Variants in XPO6 observed in about 807,000 individuals in gnomAD.
XPO6 encodes the protein exportin-6.
A neutral mutation model predicts 130.0 loss-of-function variants in XPO6; 3 were observed. The observed-to-expected ratio is 0.02, with a 90% CI of 0.01 to 0.06. The LOEUF is 0.06. Ranked by LOEUF, XPO6 falls within the 10% of genes least tolerant of loss-of-function variation. XPO6 has a pLI of 1.00. For synonymous variants in XPO6, 524 were observed against 548.9 expected (o/e 0.95, Z 0.63); for missense variants, 970 against 1,393.0 (o/e 0.70, Z 4.83).
chr16:28,147,456 A>AAG, intron 8 of XPO6, among the ~76,000 whole-genome samples: 1 of 152,220 alleles, frequency 6.6e-6, no homozygotes, highest in Non-Finnish European at 1.5e-5. Context: ...AGAAAAAAGA[A>AAG]AAGAGTGTAA....
At chr16:28,110,233 A>G (rs1284454625) in intron 17 of XPO6, among the ~76,000 whole-genome samples, 1 of 152,250 alleles carries the variant, frequency 6.6e-6, no homozygotes, top group African/African-American at 2.4e-5. Context: ...TGAAGACGTC[A>G]TTCACATACT....
At position 28,175,881 on chromosome 16, in the gene XPO6, C is replaced by T; in HGVS notation, c.405+17G>A. ...CAAACTATTCACAAGATAAAGTTTC[C>T]TTAGGCATATCCTTACCTGTAAAAT... On this transcript the variant is annotated intron_variant, in intron 4 of 23. Coordinates refer to ENST00000304658, the MANE Select transcript of XPO6 (RefSeq NM_015171.4). 6.8e-6 allele frequency: 11 copies of T among 1,609,640 alleles called. No individual in the cohort carries two copies. The highest frequency in any genetic ancestry group is 9.4e-6 in the Non-Finnish European group (11 of 1,176,132).
At chr16:28,145,137 A>T (rs1197929982) in intron 9 of XPO6, among the ~76,000 whole-genome samples, 2 of 152,212 alleles carry the variant, frequency 1.3e-5, no homozygotes, top group Non-Finnish European at 2.9e-5. Context: ...AAATTACACG[A>T]ATCAGTTTTA....
intron 1 of XPO6, among the ~76,000 whole-genome samples, chr16:28,183,724 A>G (rs986003390): frequency 6.6e-6 from 1 of 152,216 alleles, no homozygotes; most frequent in South Asian, 2.1e-4. Flanking sequence ...CCAAATGAAA[A>G]CAGACCAAAG....
intron 15 of XPO6, 33 bp downstream of exon 15, chr16:28,117,285 A>G: frequency 6.2e-7 from 1 of 1,611,006 alleles, no homozygotes; most frequent in East Asian, 2.2e-5. Context: ...ACAGAGAGTT[A>G]GATAAAAGGT....
chr16:28,147,069 T>A (rs1392299766), intron 8 of XPO6, among the ~76,000 whole-genome samples: 1 of 152,236 alleles, frequency 6.6e-6, no homozygotes, highest in Non-Finnish European at 1.5e-5. Flanking sequence ...GCTGTCTCAC[T>A]GGACCACATA....
intron 1 of XPO6, among the ~76,000 whole-genome samples, chr16:28,199,140 C>CA (rs1245484016): frequency 1.3e-5 from 2 of 151,820 alleles, no homozygotes; most frequent in East Asian, 3.9e-4. Context: ...AACTCCGTCT[C>CA]AAAAAAATGA....
At chr16:28,125,976 C>T in intron 12 of XPO6, 128 bp from the exon 13 acceptor site, 2 of 1,177,964 alleles carry the variant, frequency 1.7e-6, no homozygotes, top group South Asian at 2.9e-5. Flanking sequence ...ACAAAGCAAC[C>T]CACGGGCTGC....
chr16:28,191,988 G>A (rs531249212), intron 1 of XPO6, among the ~76,000 whole-genome samples: 33 of 152,124 alleles, frequency 2.2e-4, no homozygotes, highest in Non-Finnish European at 3.5e-4. Context: ...GGCTGGGCGC[G>A]GTGGCTCACG....
chr16:28,107,893 T>A (rs1007539052), intron 17 of XPO6, among the ~76,000 whole-genome samples: 1 of 152,136 alleles, frequency 6.6e-6, no homozygotes, highest in African/African-American at 2.4e-5. Flanking sequence ...TCCAGAAGCC[T>A]GGAATGTGTG....
At chr16:28,164,542 C>T (rs536871915) in intron 6 of XPO6, among the ~76,000 whole-genome samples, 13 of 152,160 alleles carry the variant, frequency 8.5e-5, no homozygotes, top group Non-Finnish European at 1.9e-4. Flanking sequence ...CCCACAGTCT[C>T]AATTTATTTT....
At position 28,147,018 on chromosome 16, in the gene XPO6, A is replaced by C. The variant is rs1188542269; in HGVS notation, c.1225-815T>G. On this transcript the variant is annotated intron_variant, in intron 8 of 23. Transcript: ENST00000304658. Reference sequence around the variant, plus strand: ...GCTCCAAACCCTGATATCTCCACTCAAATGCTCACTACCTGAAAGACTCCT... The same window carrying C: ...GCTCCAAACCCTGATATCTCCACTCCAATGCTCACTACCTGAAAGACTCCT... 2.0e-5 allele frequency among the ~76,000 whole-genome samples: 3 copies of C among 152,154 alleles called. No homozygotes were observed. The South Asian group carries it at 6.2e-4, about 32-fold the overall frequency.
intron 2 of XPO6, among the ~76,000 whole-genome samples, chr16:28,180,517 T>A (rs146584266): frequency 6.6e-6 from 1 of 152,154 alleles, no homozygotes; most frequent in African/African-American, 2.4e-5. Context: ...TTTGACACTT[T>A]CCTGAGTTGT....
intron 14 of XPO6, among the ~76,000 whole-genome samples, chr16:28,120,186 AATC>A (rs956886226): frequency 1.7e-3 from 264 of 151,686 alleles, no homozygotes; most frequent in African/African-American, 6.2e-3. Flanking sequence ...TAATAATAAT[AATC>A]ATCATCATCA....
At chr16:28,161,063 T>C in intron 6 of XPO6, among the ~76,000 whole-genome samples, 1 of 152,206 alleles carries the variant, frequency 6.6e-6, no homozygotes, top group East Asian at 1.9e-4. Flanking sequence ...CACACAGATA[T>C]GCAACTACAA....
intron 5 of XPO6, among the ~76,000 whole-genome samples, chr16:28,167,767 A>AT (rs1471650642): frequency 1.3e-5 from 2 of 152,220 alleles, no homozygotes; most frequent in African/African-American, 4.8e-5. Flanking sequence ...CAAATTTTTC[A>AT]TATTAAAACC....
chr16:28,128,349 C>G (rs1211380112), intron 12 of XPO6, among the ~76,000 whole-genome samples: 1 of 152,126 alleles, frequency 6.6e-6, no homozygotes, highest in African/African-American at 2.4e-5. Flanking sequence ...TTTCTCAGAG[C>G]AACACTGGGG....
chr16:28,169,122 T>C (rs1386864976), intron 5 of XPO6, among the ~76,000 whole-genome samples: 1 of 152,210 alleles, frequency 6.6e-6, no homozygotes, highest in South Asian at 2.1e-4. Context: ...CGGCCAGGCA[T>C]TGCATACATG....
At chr16:28,175,684 A>AG (rs1555529876) in intron 4 of XPO6, among the ~76,000 whole-genome samples, 1 of 1,202 alleles carries the variant, frequency 8.3e-4, no homozygotes, top group Non-Finnish European at 0.036. Context: ...ACAAGAGGTT[A>AG]AAAAGAGATT....
Sources: gnomAD v4.1 joint callset for allele counts (sites outside exome capture counted in the v4.1 genomes callset) on GRCh38, gnomAD v4.1.1 for gene constraint, MANE v1.5 for transcripts, NCBI Gene and HGNC (gene_info 2026-07-23, HGNC 2026-07-21) for gene names.